The following MTHFD1L variants were observed in gnomAD, a reference collection of about 807,000 sequenced individuals.
The protein encoded by MTHFD1L is monofunctional C1-tetrahydrofolate synthase, mitochondrial.
A neutral mutation model predicts 119.5 loss-of-function variants in MTHFD1L; 81 were observed. That is an observed-to-expected ratio of 0.68 (90% CI 0.57 to 0.82). MTHFD1L has a LOEUF of 0.82. MTHFD1L is among the 40% of genes least tolerant of loss of function. The probability of loss-of-function intolerance (pLI) is 0.00; values close to 1 mark genes in which losing one functional copy is unlikely to be tolerated. For missense variants in MTHFD1L, 1,125 were observed against 1,253.4 expected, an observed-to-expected ratio of 0.90 and a Z score of 1.55; for synonymous variants, 430 against 475.2, an observed-to-expected ratio of 0.90 and a Z score of 1.24.
intron 8 of MTHFD1L, among the ~76,000 whole-genome samples, chr6:150,907,358 A>G (rs1786091262): frequency 1.3e-5 from 2 of 152,238 alleles, no homozygotes; most frequent in South Asian, 4.1e-4. Flanking sequence ...TTAGATATCA[A>G]TGTAATGATT....
chr6:150,997,780 A>G (rs932462), intron 20 of MTHFD1L, among the ~76,000 whole-genome samples: 29,886 of 152,078 alleles, frequency 0.2, 3,036 homozygotes, highest in Middle Eastern at 0.29. Context: ...CAAAAAACAA[A>G]ACAAAAAAAA....
At chr6:150,951,700 A>G (rs1405605468) in intron 16 of MTHFD1L, among the ~76,000 whole-genome samples, 1 of 152,204 alleles carries the variant, frequency 6.6e-6, no homozygotes, top group East Asian at 1.9e-4. Flanking sequence ...TAAGCATTTT[A>G]TTGAGAAGCC....
chr6:150,899,062 A>G, intron 7 of MTHFD1L: 2 of 864,988 alleles, frequency 2.3e-6, no homozygotes. Flanking sequence ...GCTTACTTCC[A>G]GAGGAATTGT....
Position 151,003,893 on chromosome 6 carries a change from T to G in MTHFD1L, c.2126-5926T>G, listed in dbSNP as rs745727289. On this transcript the variant is annotated intron_variant, in intron 20 of 27. Transcript: ENST00000367321. Reference sequence around the variant, plus strand: ...TATCTCCAGAAAGTAACTGGCCTGGTGCACAGGAGAAAGTTAGAGTACATT... The same window carrying G: ...TATCTCCAGAAAGTAACTGGCCTGGGGCACAGGAGAAAGTTAGAGTACATT... Among the ~76,000 whole-genome samples, 4 of 151,768 alleles carry G rather than the reference T, an allele frequency of 2.6e-5. No homozygotes were observed. In the South Asian group the frequency reaches 6.2e-4, roughly 24 times the overall value.
intron 27 of MTHFD1L, among the ~76,000 whole-genome samples, chr6:151,098,554 A>T (rs1795085936): frequency 6.6e-6 from 1 of 152,214 alleles, no homozygotes; most frequent in African/African-American, 2.4e-5. Flanking sequence ...CATCTAAAAG[A>T]TAGTGATAAT....
chr6:151,034,442 C>T, intron 24 of MTHFD1L, 51 bp from the exon 25 acceptor site: 1 of 1,299,774 alleles, frequency 7.7e-7, no homozygotes, highest in Non-Finnish European at 1.1e-6. Flanking sequence ...TTTAAAAAAT[C>T]TTTAACCAGA....
At chr6:151,049,362 G>C (rs1411772146) in intron 26 of MTHFD1L, among the ~76,000 whole-genome samples, 2 of 152,102 alleles carry the variant, frequency 1.3e-5, no homozygotes, top group African/African-American at 4.8e-5. Context: ...TGTGGTGGCA[G>C]ACGCCTGTAG....
rs572643107 is a variant in MTHFD1L at position 151,077,176 on chromosome 6, A to G, written c.2848-15291A>G. 1.7e-3 allele frequency among the ~76,000 whole-genome samples: 261 copies of G among 152,320 alleles called. 1 individual carries two copies. The highest frequency in any genetic ancestry group is 2.8e-3 in the Non-Finnish European group (191 of 68,038). ...CCAAAATTTTCTCTCCTAGAACTGAAGGACTCCCAAATCAAAAGGGTCAGC... is the reference window on the plus strand; with the variant it reads ...CCAAAATTTTCTCTCCTAGAACTGAGGGACTCCCAAATCAAAAGGGTCAGC... On this transcript the variant is annotated intron_variant, in intron 26 of 27. Coordinates refer to ENST00000367321, the MANE Select transcript of MTHFD1L (RefSeq NM_015440.5).
intron 20 of MTHFD1L, among the ~76,000 whole-genome samples, chr6:150,999,760 C>T (rs9478899): frequency 0.23 from 34,971 of 151,996 alleles, 4,111 homozygotes; most frequent in Middle Eastern, 0.31. Flanking sequence ...ATAATGTAAA[C>T]CGGTGTCTGT....
intron 8 of MTHFD1L, among the ~76,000 whole-genome samples, chr6:150,912,438 G>A (rs1787075379): frequency 1.3e-5 from 2 of 151,988 alleles, no homozygotes; most frequent in African/African-American, 4.8e-5. Flanking sequence ...CTTGGAGAAT[G>A]CTTTTTTGAT....
chr6:150,934,842 A>C, intron 11 of MTHFD1L: 1 of 1,226,846 alleles, frequency 8.2e-7, no homozygotes, highest in East Asian at 2.4e-5. Flanking sequence ...ATGCCTGCCA[A>C]TGCTTTCTCA....
intron 1 of MTHFD1L, among the ~76,000 whole-genome samples, chr6:150,870,233 C>T (rs1311807094): frequency 6.6e-6 from 1 of 152,224 alleles, no homozygotes; most frequent in Admixed American, 6.5e-5. Flanking sequence ...GGCCATTTTT[C>T]TGCCCCAAGG....
chr6:151,091,213 A>G (rs1484201714), intron 26 of MTHFD1L, among the ~76,000 whole-genome samples: 7 of 151,448 alleles, frequency 4.6e-5, no homozygotes, highest in Non-Finnish European at 8.8e-5. Context: ...GACTGGGTGC[A>G]GCATTGCCCC....
At position 150,918,726 on chromosome 6, in the gene MTHFD1L, T is replaced by A. The variant is rs1788415676; in HGVS notation, c.984+58T>A. On this transcript the variant is annotated intron_variant, in intron 9 of 27. Coordinates refer to ENST00000367321, the MANE Select transcript of MTHFD1L (RefSeq NM_015440.5). ...GTTTGGAAGTTTGATTAATAGTTGC[T>A]AACATTTTGCAAGTGGTTTCTGTTT... 4 of 1,417,254 alleles carry A rather than the reference T, an allele frequency of 2.8e-6. No individual in the cohort carries two copies. In the South Asian group the frequency reaches 4.6e-5, roughly 16 times the overall value. The allele number at this position is 1,417,254 out of a possible 1,614,324, so 87.8% of individuals were successfully genotyped here. A position where few individuals can be genotyped will look rare whatever the true frequency, so the allele number is the denominator to read the frequency against.
At chr6:151,060,121 C>T (rs112739100) in intron 26 of MTHFD1L, among the ~76,000 whole-genome samples, 1,773 of 152,192 alleles carry the variant, frequency 0.012, 33 homozygotes, top group African/African-American at 0.039. Flanking sequence ...GGAATAGGGA[C>T]GCCAGAAGGT....
chr6:150,871,495 C>CTTTTTTTT (rs149449398), intron 1 of MTHFD1L, among the ~76,000 whole-genome samples: 5 of 102,086 alleles, frequency 4.9e-5, no homozygotes, highest in African/African-American at 7.4e-5. Context: ...CTACTGTAAT[C>CTTTTTTTT]TTTTTTTTTT....
At chr6:150,897,919 A>G (rs1484132464) in intron 7 of MTHFD1L, among the ~76,000 whole-genome samples, 1 of 152,218 alleles carries the variant, frequency 6.6e-6, no homozygotes. Context: ...ATCTCAGCTC[A>G]CCGCAGTCTC....
intron 26 of MTHFD1L, among the ~76,000 whole-genome samples, chr6:151,087,725 A>G (rs4341013): frequency 0.25 from 37,658 of 152,156 alleles, 4,790 homozygotes; most frequent in South Asian, 0.33. Context: ...ATATATGACT[A>G]TTCTCTCTGT....
chr6:151,036,304 G>A (rs1199205461), intron 25 of MTHFD1L, among the ~76,000 whole-genome samples: 1 of 151,984 alleles, frequency 6.6e-6, no homozygotes, highest in Non-Finnish European at 1.5e-5. Flanking sequence ...CAATGAATTA[G>A]CAAAGCCTCT....
Sources: allele counts gnomAD v4.1 joint callset (sites outside exome capture counted in the v4.1 genomes callset), GRCh38; gene constraint gnomAD v4.1.1; transcripts MANE v1.5; gene names NCBI Gene and HGNC (gene_info 2026-07-23, HGNC 2026-07-21).